Variants in PCDH15 observed in about 807,000 individuals in gnomAD.
PCDH15 encodes protocadherin-15.
Under a neutral mutation model 178.5 loss-of-function variants are expected in PCDH15, and 129 were observed. The observed-to-expected ratio is 0.72, with a 90% CI of 0.63 to 0.84. The LOEUF (loss-of-function observed/expected upper bound fraction) is 0.84. PCDH15 is among the 40% of genes least tolerant of loss of function. The pLI is 0.00. For synonymous variants in PCDH15, 800 were observed against 732.0 expected, an observed-to-expected ratio of 1.09 and a Z score of -1.50; for missense variants, 2,230 against 2,099.9, an observed-to-expected ratio of 1.06 and a Z score of -1.21.
chr10:54,716,283 C>T (rs576243856), intron 1 of PCDH15, among the ~76,000 whole-genome samples: 2 of 152,106 alleles, frequency 1.3e-5, no homozygotes, highest in African/African-American at 4.8e-5. Flanking sequence ...TAGGTATATA[C>T]CCACCTATTT....
Position 54,378,916 on chromosome 10 carries a change from T to G in PCDH15, c.184A>C (p.Ile62Leu). 6.2e-7 allele frequency: 1 copy of G among 1,613,792 alleles called. No individual in the cohort carries two copies. The highest frequency in any genetic ancestry group is 8.5e-7 in the Non-Finnish European group (1 of 1,179,822). Residue 62 changes from isoleucine (I) to leucine (L), a missense_variant, in exon 4 of 38, where the codon ATC (isoleucine) becomes CTC (leucine). By Grantham distance (5) the Ile-to-Leu change is conservative. Coordinates refer to ENST00000644397, the MANE Select transcript of PCDH15 (RefSeq NM_001384140.1). ...NGTILVDNML[I>L]KGTAGGPDPT... ...TCTGGTCCTCCAGCAGTCCCTTTGA[T>G]CAGCATGTTGTCCACCAGAATTGTA...
chr10:55,154,239 C>T (rs927999649), intron 2 of PCDH15, among the ~76,000 whole-genome samples: 2 of 152,030 alleles, frequency 1.3e-5, no homozygotes, highest in Non-Finnish European at 2.9e-5. Flanking sequence ...ACAGTGTTAG[C>T]ATCTTATATA....
chr10:54,370,916 G>A (rs925533495), intron 4 of PCDH15, among the ~76,000 whole-genome samples: 3 of 151,920 alleles, frequency 2.0e-5, no homozygotes, highest in Admixed American at 1.3e-4. Context: ...CTGTCTGAAT[G>A]ATGCTACCTA....
At chr10:54,157,193 G>A (rs1030626657) in intron 13 of PCDH15, among the ~76,000 whole-genome samples, 13 of 152,334 alleles carry the variant, frequency 8.5e-5, no homozygotes, top group Admixed American at 6.5e-4. Flanking sequence ...CTCTGTGTGA[G>A]GGCTCTGACT....
intron 2 of PCDH15, among the ~76,000 whole-genome samples, chr10:55,021,734 CTG>C (rs1219400742): frequency 6.6e-6 from 1 of 152,164 alleles, no homozygotes; most frequent in Non-Finnish European, 1.5e-5. Flanking sequence ...TGATGTAAAT[CTG>C]TGTACTTTTC....
intron 1 of PCDH15, among the ~76,000 whole-genome samples, chr10:55,259,902 CAAAAAAAAAAAAAAAAAAAAAAA>C (rs749939571): frequency 2.1e-4 from 11 of 52,008 alleles, no homozygotes; most frequent in Admixed American, 4.6e-4. Flanking sequence ...AACTCCGTCT[CAAAAAAAAAAAAAAAAAAAAAAA>C]AAAAAAAAAA....
chr10:55,171,815 T>C (rs993666373), intron 1 of PCDH15, among the ~76,000 whole-genome samples: 5 of 151,858 alleles, frequency 3.3e-5, no homozygotes, highest in Non-Finnish European at 5.9e-5. Context: ...TGATTAGTGA[T>C]CTAGAAAAAA....
At chr10:55,538,483 T>G (rs1303749386) in intron 2 of PCDH15, among the ~76,000 whole-genome samples, 1 of 136,042 alleles carries the variant, frequency 7.4e-6, no homozygotes, top group Admixed American at 7.2e-5. Context: ...CCTTCCTCCC[T>G]TCCTTCCTCC....
chr10:55,305,741 G>A (rs1450029761), intron 1 of PCDH15, among the ~76,000 whole-genome samples: 1 of 152,134 alleles, frequency 6.6e-6, no homozygotes, highest in Non-Finnish European at 1.5e-5. Flanking sequence ...TTTCCCATTT[G>A]TAAAATAGGA....
chr10:55,113,227 T>C (rs1204100877), intron 2 of PCDH15, among the ~76,000 whole-genome samples: 1 of 152,208 alleles, frequency 6.6e-6, no homozygotes. Flanking sequence ...TAAGGAATTA[T>C]TATAGATAAC....
At position 53,934,313 on chromosome 10, in the gene PCDH15, C is replaced by T. The variant is rs191302217; in HGVS notation, c.3373+4502G>A. 3.3e-4 allele frequency among the ~76,000 whole-genome samples: 50 copies of T among 152,206 alleles called. No homozygotes were observed. In the East Asian group the frequency reaches 9.3e-3, roughly 28 times the overall value. ...CACTGTAAGGTGATGGCAGCATCAC[C>T]TCACTCATGCCATCCCCACTGACCA... On this transcript the variant is annotated intron_variant, in intron 25 of 37. Transcript: ENST00000644397.
At chr10:54,112,036 G>T (rs535623314) in intron 15 of PCDH15, among the ~76,000 whole-genome samples, 14 of 151,308 alleles carry the variant, frequency 9.3e-5, no homozygotes, top group African/African-American at 3.4e-4. Flanking sequence ...CCAGCTACTC[G>T]GGAGGCTGAA....
chr10:54,781,060 CT>C lies in PCDH15; in HGVS notation c.-29+19864del, dbSNP rs1419107874. ...TATTTTATTACCTCTACCTAAGCCACTTTTTAATAAAAATCATCAACAGTTC... is the reference window on the plus strand; with the variant it reads ...TATTTTATTACCTCTACCTAAGCCACTTTTAATAAAAATCATCAACAGTTC... On this transcript the variant is annotated intron_variant, in intron 1 of 37. Transcript: ENST00000644397. Among the ~76,000 whole-genome samples the C allele has an allele frequency of 2.0e-5, 3 of 152,106 alleles. No homozygotes were observed. In the East Asian group the frequency reaches 5.8e-4, roughly 29 times the overall value.
At chr10:55,157,939 G>A (rs1378481254) in intron 2 of PCDH15, among the ~76,000 whole-genome samples, 4 of 68,466 alleles carry the variant, frequency 5.8e-5, no homozygotes, top group African/African-American at 1.8e-4. Context: ...ATGTACCCTA[G>A]AACTTAAAGG....
intron 1 of PCDH15, among the ~76,000 whole-genome samples, chr10:55,306,563 T>C (rs1843431754): frequency 6.6e-6 from 1 of 152,056 alleles, no homozygotes; most frequent in Non-Finnish European, 1.5e-5. Flanking sequence ...GACTGCAGAG[T>C]TCTGAGTATT....
intron 30 of PCDH15, among the ~76,000 whole-genome samples, chr10:53,828,900 C>T (rs1461021833): frequency 6.6e-6 from 1 of 152,014 alleles, no homozygotes; most frequent in Non-Finnish European, 1.5e-5. Context: ...ATGACCTGAC[C>T]TTTATAATTG....
intron 26 of PCDH15, among the ~76,000 whole-genome samples, chr10:53,868,312 G>A (rs935808688): frequency 1.4e-4 from 22 of 151,798 alleles, no homozygotes; most frequent in African/African-American, 5.3e-4. Context: ...CCATTACTAA[G>A]AATTGCTAAG....
intron 3 of PCDH15, among the ~76,000 whole-genome samples, chr10:54,890,440 T>C (rs756749875): frequency 6.6e-6 from 1 of 151,946 alleles, no homozygotes; most frequent in Non-Finnish European, 1.5e-5. Flanking sequence ...TAATAAAAAA[T>C]ATAACTGTGC....
intron 3 of PCDH15, among the ~76,000 whole-genome samples, chr10:54,519,262 A>G (rs1382814379): frequency 6.6e-6 from 1 of 152,198 alleles, no homozygotes; most frequent in Non-Finnish European, 1.5e-5. Context: ...GGAAAAGAGG[A>G]AGTCAAATTG....
Sources: gnomAD v4.1 joint callset for allele counts (sites outside exome capture counted in the v4.1 genomes callset) on GRCh38, gnomAD v4.1.1 for gene constraint, MANE v1.5 for transcripts, NCBI Gene and HGNC (gene_info 2026-07-23, HGNC 2026-07-21) for gene names.